The following CDK14 variants were observed in gnomAD, a reference collection of about 807,000 sequenced individuals.
CDK14 encodes the protein cyclin dependent kinase 14.
A neutral mutation model predicts 60.7 loss-of-function variants in CDK14; 34 were observed. That is an observed-to-expected ratio of 0.56 (90% CI 0.43 to 0.75). The LOEUF (loss-of-function observed/expected upper bound fraction) is 0.75, where lower values mean the gene tolerates loss of function less well. CDK14 is among the 30% of genes least tolerant of loss of function. The pLI is 0.00. For missense variants in CDK14, 482 were observed against 564.1 expected (o/e 0.85, Z 1.47); for synonymous variants, 197 against 203.7 (o/e 0.97, Z 0.28).
At chr7:91,194,823 G>A (rs111875650) in intron 14 of CDK14, among the ~76,000 whole-genome samples, 20 of 152,298 alleles carry the variant, frequency 1.3e-4, no homozygotes, top group African/African-American at 4.8e-4. Flanking sequence ...CTGGTTTGGG[G>A]TAAGGAAAGG....
chr7:90,726,347 A>AT, intron 2 of CDK14: 1 of 968,040 alleles, frequency 1.0e-6, no homozygotes, highest in Non-Finnish European at 1.2e-6. Flanking sequence ...TTAGAGGTAG[A>AT]TTTTTTAGTG....
intron 5 of CDK14, among the ~76,000 whole-genome samples, chr7:90,825,776 A>C (rs1407004302): frequency 6.6e-6 from 1 of 152,208 alleles, no homozygotes; most frequent in Non-Finnish European, 1.5e-5. Flanking sequence ...AAGATGACTA[A>C]TTCTGACCAA....
intron 14 of CDK14, among the ~76,000 whole-genome samples, chr7:91,194,350 T>C (rs1444896536): frequency 6.6e-6 from 1 of 152,176 alleles, no homozygotes; most frequent in Non-Finnish European, 1.5e-5. Context: ...TCATCATGCG[T>C]GACATCTCAC....
intron 14 of CDK14, among the ~76,000 whole-genome samples, chr7:91,169,137 T>C (rs1801437268): frequency 6.6e-6 from 1 of 152,240 alleles, no homozygotes; most frequent in Admixed American, 6.5e-5. Context: ...ATGTCCACTT[T>C]CCTTACATTT....
At chr7:91,139,160 G>A (rs1293904759) in intron 14 of CDK14, among the ~76,000 whole-genome samples, 1 of 152,124 alleles carries the variant, frequency 6.6e-6, no homozygotes, top group Non-Finnish European at 1.5e-5. Flanking sequence ...GCAGACGGGA[G>A]CAAGTATTTC....
In CDK14 at chr7:90,747,754, C is replaced by T. The variant is rs148988868; in HGVS notation, c.443C>T (p.Thr148Ile). The part of the protein sequence containing the change: ...LEKLGEGSYA[T>I]VYKGKSKVNG... ...AAACTAGGGGAAGGATCTTATGCTA[C>T]AGTATACAAAGGGAAAAGCAAGTAA... Residue 148 changes from threonine (T) to isoleucine (I), a missense_variant, in exon 4 of 15, where the codon ACA (threonine) becomes ATA (isoleucine). Coordinates refer to ENST00000380050, the MANE Select transcript of CDK14 (RefSeq NM_001287135.2). The T allele has an allele frequency of 9.6e-5, 152 of 1,589,438 alleles. 1 individual carries two copies. Among genetic ancestry groups the T allele is most frequent in the South Asian group, 4.9e-4 (42 of 85,694 alleles).
intron 2 of CDK14, among the ~76,000 whole-genome samples, chr7:90,673,429 C>A (rs1228306424): frequency 6.6e-6 from 1 of 151,288 alleles, no homozygotes; most frequent in East Asian, 2.0e-4. Flanking sequence ...CTCCCTCCCT[C>A]CCTCTGTTGC....
intron 4 of CDK14, among the ~76,000 whole-genome samples, chr7:90,766,069 C>G: frequency 6.6e-6 from 1 of 152,052 alleles, no homozygotes; most frequent in African/African-American, 2.4e-5. Flanking sequence ...TCTTAAATAT[C>G]TTTTATTTTT....
intron 2 of CDK14, chr7:90,632,510 C>T (rs1021077313): frequency 6.0e-6 from 1 of 166,010 alleles, no homozygotes; most frequent in African/African-American, 2.4e-5. Flanking sequence ...ACCAGCATGG[C>T]TATCTTGTAG....
At chr7:90,797,906 A>G (rs1029637819) in intron 5 of CDK14, among the ~76,000 whole-genome samples, 5 of 151,974 alleles carry the variant, frequency 3.3e-5, no homozygotes, top group Non-Finnish European at 5.9e-5. Context: ...CCCACCTCCA[A>G]TAATGGGGAT....
At chr7:90,803,252 A>G (rs1211034562) in intron 5 of CDK14, among the ~76,000 whole-genome samples, 1 of 152,094 alleles carries the variant, frequency 6.6e-6, no homozygotes, top group Non-Finnish European at 1.5e-5. Flanking sequence ...TGAGTAAGAG[A>G]CAGAGGTTAC....
intron 14 of CDK14, among the ~76,000 whole-genome samples, chr7:91,190,494 C>G (rs1802326292): frequency 6.6e-6 from 1 of 152,022 alleles, no homozygotes; most frequent in Admixed American, 6.6e-5. Context: ...TTGTTTTTGT[C>G]TGTTTTGTTT....
chr7:90,753,259 T>C (rs1226807506), intron 4 of CDK14, among the ~76,000 whole-genome samples: 1 of 152,060 alleles, frequency 6.6e-6, no homozygotes, highest in Non-Finnish European at 1.5e-5. Flanking sequence ...GCAAACCAAA[T>C]CCAGCAGCAC....
At chr7:90,686,257 C>A (rs1801433113) in intron 2 of CDK14, among the ~76,000 whole-genome samples, 1 of 152,064 alleles carries the variant, frequency 6.6e-6, no homozygotes, top group South Asian at 2.1e-4. Flanking sequence ...TTTCAGTTAA[C>A]TTCTGTGGTT....
chr7:90,739,350 T>G (rs1284721640), intron 3 of CDK14, among the ~76,000 whole-genome samples: 1 of 152,226 alleles, frequency 6.6e-6, no homozygotes, highest in Non-Finnish European at 1.5e-5. Flanking sequence ...GATAGACTAC[T>G]TTGTACCATT....
rs946897159 is a variant in CDK14 at position 91,044,118 on chromosome 7, G to A, written c.1042-1779G>A. ...CATGACACAGCCCTCAGGAGATCTT[G>A]AGAACATGTGCCCAAGGTTGTCAGG... On this transcript the variant is annotated intron_variant, in intron 10 of 14. Coordinates refer to ENST00000380050, the MANE Select transcript of CDK14 (RefSeq NM_001287135.2). 5.3e-5 allele frequency among the ~76,000 whole-genome samples: 8 copies of A among 152,276 alleles called. No homozygotes were observed. The East Asian group carries it at 1.5e-3, about 29-fold the overall frequency.
At position 90,998,616 on chromosome 7, in the gene CDK14, C is replaced by T. The variant is rs142935155; in HGVS notation, c.1041+14375C>T. 7.8e-3 allele frequency among the ~76,000 whole-genome samples: 1,187 copies of T among 152,260 alleles called. 21 individuals carry two copies. Among genetic ancestry groups the T allele is most frequent in the African/African-American group, 0.028 (1,146 of 41,550 alleles). On this transcript the variant is annotated intron_variant, in intron 10 of 14. Transcript: ENST00000380050. Reference sequence around the variant, plus strand: ...ACTTAAAAAGAAAATAGGCCGGGCGCGGTGGCTCACGCCTGTAATCCTAGC... The same window carrying T: ...ACTTAAAAAGAAAATAGGCCGGGCGTGGTGGCTCACGCCTGTAATCCTAGC...
At chr7:90,982,451 T>C (rs1170077713) in intron 9 of CDK14, among the ~76,000 whole-genome samples, 1 of 152,150 alleles carries the variant, frequency 6.6e-6, no homozygotes, top group African/African-American at 2.4e-5. Flanking sequence ...CCCATGTGGA[T>C]GCCTGGGCTC....
chr7:90,977,120 C>T (rs567828857), intron 9 of CDK14, among the ~76,000 whole-genome samples: 14 of 152,066 alleles, frequency 9.2e-5, no homozygotes, highest in Admixed American at 1.3e-4. Context: ...TAAGGTGAAG[C>T]GTGGGAATCT....
Sources: gnomAD v4.1 joint callset for allele counts (sites outside exome capture counted in the v4.1 genomes callset) on GRCh38, gnomAD v4.1.1 for gene constraint, MANE v1.5 for transcripts, NCBI Gene and HGNC (gene_info 2026-07-23, HGNC 2026-07-21) for gene names.